Variants in CDH18 observed in about 807,000 individuals in gnomAD.
CDH18 encodes cadherin-18.
Under a neutral mutation model 67.9 loss-of-function variants are expected in CDH18, and 31 were observed. The ratio of observed to expected loss-of-function variants is 0.46; its 90% CI spans 0.34 to 0.62. CDH18 has a LOEUF of 0.62. Among genes scored for constraint, CDH18 ranks in the 20% least tolerant of loss-of-function variants. CDH18 has a pLI of 0.01. For missense variants in CDH18, 890 were observed against 975.5 expected (o/e 0.91, Z 1.17); for synonymous variants, 362 against 347.2 (o/e 1.04, Z -0.48).
At chr5:19,757,800 C>T (rs1389008939) in intron 3 of CDH18, among the ~76,000 whole-genome samples, 8 of 152,222 alleles carry the variant, frequency 5.3e-5, no homozygotes, top group Non-Finnish European at 1.0e-4. Context: ...GATAATCACA[C>T]ATCTGGCCAT....
intron 2 of CDH18, among the ~76,000 whole-genome samples, chr5:20,066,341 A>G (rs1742975132): frequency 6.6e-6 from 1 of 152,048 alleles, no homozygotes; most frequent in Non-Finnish European, 1.5e-5. Context: ...GAAAAACGCT[A>G]CACTTTAGAA....
In CDH18 at chr5:20,523,905, AAG is replaced by A. The variant is rs201729892; in HGVS notation, c.-580+51555_-580+51556del. 9.0e-3 allele frequency among the ~76,000 whole-genome samples: 1,375 copies of A among 152,310 alleles called. 5 individuals are homozygous for A. The highest frequency in any genetic ancestry group is 0.013 in the Admixed American group (197 of 15,294). ...AGTGCATTTGCATTTGTACATGAGAAAGAGAGAGACAGGAGGGAGACAAGAGA... is the reference window on the plus strand; with the variant it reads ...AGTGCATTTGCATTTGTACATGAGAAAGAGAGACAGGAGGGAGACAAGAGA... On this transcript the variant is annotated intron_variant, in intron 1 of 14. Transcript: ENST00000507958.
At chr5:19,937,163 A>C (rs1794366035) in intron 2 of CDH18, among the ~76,000 whole-genome samples, 1 of 151,402 alleles carries the variant, frequency 6.6e-6, no homozygotes, top group Non-Finnish European at 1.5e-5. Context: ...GAGGGACAGA[A>C]ATTTAAGAAA....
At chr5:19,975,682 G>C (rs1199266354) in intron 2 of CDH18, among the ~76,000 whole-genome samples, 1 of 152,120 alleles carries the variant, frequency 6.6e-6, no homozygotes, top group Non-Finnish European at 1.5e-5. Flanking sequence ...TATTATTGTA[G>C]AGTTTATTGA....
chr5:19,926,526 CTG>C (rs1793105222), intron 2 of CDH18, among the ~76,000 whole-genome samples: 1 of 152,010 alleles, frequency 6.6e-6, no homozygotes, highest in African/African-American at 2.4e-5. Context: ...CAAAAGGAGA[CTG>C]AAGTTAATAT....
intron 2 of CDH18, among the ~76,000 whole-genome samples, chr5:20,138,305 G>A (rs1424852824): frequency 6.6e-6 from 1 of 151,968 alleles, no homozygotes; most frequent in African/African-American, 2.4e-5. Context: ...GGTATTGATG[G>A]GATGTATCTC....
In CDH18 at chr5:19,612,438, AG is replaced by A. The variant is rs779164035; in HGVS notation, c.806del (p.Pro269LeufsTer35). 1 of 1,613,906 alleles carries A rather than the reference AG, an allele frequency of 6.2e-7. No homozygotes were observed. Among genetic ancestry groups the A allele is most frequent in the East Asian group, 2.2e-5 (1 of 44,868 alleles). ...TDVNDNPPRF[P>X]QKHYQLYVPE... ...TCATGGAAAACAAATACGTACTTTG[AG>A]GAAAGCGTGGTGGGTTGTCATTGAC... On this transcript the variant is annotated frameshift_variant, in exon 6 of 13. Coordinates refer to ENST00000382275, the MANE Select transcript of CDH18 (RefSeq NM_004934.5). LOFTEE classifies it high-confidence loss of function.
chr5:19,541,760 G>C (rs1561303403), intron 9 of CDH18, among the ~76,000 whole-genome samples: 2 of 152,054 alleles, frequency 1.3e-5, no homozygotes, highest in Non-Finnish European at 2.9e-5. Context: ...CTCCCATTGG[G>C]TCCCTCCGAT....
chr5:19,605,987 G>A (rs931413242), intron 6 of CDH18, among the ~76,000 whole-genome samples: 5 of 152,122 alleles, frequency 3.3e-5, no homozygotes, highest in African/African-American at 9.7e-5. Context: ...GAAACCAACA[G>A]AAAGTGCATC....
At chr5:19,999,846 T>C (rs535410591) in intron 2 of CDH18, among the ~76,000 whole-genome samples, 1 of 152,272 alleles carries the variant, frequency 6.6e-6, no homozygotes, top group East Asian at 1.9e-4. Flanking sequence ...CACAGGCTCA[T>C]GAAGCAGCCC....
chr5:20,158,479 C>T (rs1463302405), intron 2 of CDH18, among the ~76,000 whole-genome samples: 2 of 152,030 alleles, frequency 1.3e-5, no homozygotes, highest in Non-Finnish European at 2.9e-5. Context: ...TTGAATTTTT[C>T]AGTAAAATAG....
At chr5:19,804,092 G>C (rs543841218) in intron 3 of CDH18, 1 of 149,930 alleles carries the variant, frequency 6.7e-6, no homozygotes, top group East Asian at 2.0e-4. Flanking sequence ...CTGCACTCCA[G>C]CCTGGGCGAC....
At chr5:19,693,662 C>T (rs1334043541) in intron 5 of CDH18, among the ~76,000 whole-genome samples, 1 of 152,004 alleles carries the variant, frequency 6.6e-6, no homozygotes, top group Non-Finnish European at 1.5e-5. Flanking sequence ...TTTGGGAGGC[C>T]AAGGCAGGTG....
chr5:20,206,940 A>C (rs1467645716), intron 2 of CDH18, among the ~76,000 whole-genome samples: 1 of 152,092 alleles, frequency 6.6e-6, no homozygotes, highest in Non-Finnish European at 1.5e-5. Context: ...ATCTGAAACA[A>C]GGATGCCCAT....
intron 2 of CDH18, among the ~76,000 whole-genome samples, chr5:19,941,977 A>C (rs1198940213): frequency 6.6e-6 from 1 of 152,110 alleles, no homozygotes; most frequent in African/African-American, 2.4e-5. Flanking sequence ...TCTCCCTTCA[A>C]GTTGACCTTC....
intron 1 of CDH18, among the ~76,000 whole-genome samples, chr5:20,392,690 C>A (rs184855360): frequency 1.3e-5 from 2 of 151,844 alleles, no homozygotes; most frequent in African/African-American, 2.4e-5. Flanking sequence ...GTGCTTTCAA[C>A]TACTACCTAT....
intron 4 of CDH18, among the ~76,000 whole-genome samples, chr5:19,741,859 G>A (rs868324640): frequency 6.6e-6 from 1 of 151,940 alleles, no homozygotes; most frequent in Non-Finnish European, 1.5e-5. Context: ...GAACACCACC[G>A]CATTTATTAG....
chr5:19,860,467 A>G, intron 2 of CDH18, among the ~76,000 whole-genome samples: 1 of 144,758 alleles, frequency 6.9e-6, no homozygotes, highest in Admixed American at 6.9e-5. Flanking sequence ...ACTTTTTGGG[A>G]ATTTCCATAT....
chr5:19,878,147 G>A (rs559082360), intron 2 of CDH18: 8 of 151,980 alleles, frequency 5.3e-5, no homozygotes, highest in Non-Finnish European at 1.2e-4. Context: ...TTTAGGTATG[G>A]CAATTTGAGG....
Sources: gnomAD v4.1 joint callset for allele counts (sites outside exome capture counted in the v4.1 genomes callset) on GRCh38, gnomAD v4.1.1 for gene constraint, MANE v1.5 for transcripts, NCBI Gene and HGNC (gene_info 2026-07-23, HGNC 2026-07-21) for gene names.